The following CUL5 variants were observed in gnomAD, a reference collection of about 807,000 sequenced individuals.
CUL5 encodes cullin-5.
In CUL5, 26 loss-of-function variants were observed where a neutral mutation model predicts 108.8. The observed-to-expected ratio is 0.24, with a 90% confidence interval of 0.18 to 0.33. The LOEUF (loss-of-function observed/expected upper bound fraction) is 0.33. Ranked by LOEUF, CUL5 falls within the 10% of genes least tolerant of loss-of-function variation. The pLI is 1.00. For synonymous variants in CUL5, 334 were observed against 298.0 expected (o/e 1.12, Z -1.25); for missense variants, 524 against 909.2 (o/e 0.58, Z 5.45).
chr11:108,027,949 C>G (rs1591280900), intron 1 of CUL5, among the ~76,000 whole-genome samples: 1 of 152,246 alleles, frequency 6.6e-6, no homozygotes, highest in East Asian at 1.9e-4. Context: ...TCTGGTTGCT[C>G]TCTTTGTCTC....
intron 2 of CUL5, among the ~76,000 whole-genome samples, chr11:108,042,959 C>T (rs756812464): frequency 2.0e-5 from 3 of 152,094 alleles, no homozygotes; most frequent in Non-Finnish European, 4.4e-5. Flanking sequence ...GATGGAGTTT[C>T]GCTATGTTGG....
At position 108,089,620 on chromosome 11, in the gene CUL5, A is replaced by G; in HGVS notation, c.1440A>G (p.Leu480=). 4 of 1,501,216 alleles carry G rather than the reference A, an allele frequency of 2.7e-6. No individual in the cohort carries two copies. The highest frequency in any genetic ancestry group is 3.5e-6 in the Non-Finnish European group (4 of 1,130,356). The allele number at this position is 1,501,216 out of a possible 1,614,324, so 93.0% of individuals were successfully genotyped here. The change falls in exon 13 of 19, where the codon CTA becomes CTG. Residue 480 remains leucine (L), a synonymous_variant. Transcript: ENST00000393094. ...SEIEENMVEW[L]REVGMPADYV... is the part of the protein sequence containing the mutation. ...TTGAAGAAAACATGGTAGAGTGGCT[A>G]AGAGTAAGTAAATTTTTTTAAATAT...
chr11:108,103,737 G>C (rs1864725233), intron 18 of CUL5, among the ~76,000 whole-genome samples: 1 of 152,140 alleles, frequency 6.6e-6, no homozygotes, highest in Admixed American at 6.5e-5. Flanking sequence ...TAAAACATTA[G>C]GTGTAGTTTT....
intron 11 of CUL5, among the ~76,000 whole-genome samples, chr11:108,082,439 C>CCTGGCTATATT (rs918687467): frequency 2.6e-5 from 4 of 152,050 alleles, no homozygotes; most frequent in Admixed American, 2.0e-4. Context: ...GGCCACCACA[C>CCTGGCTATATT]CTGGCTATAT....
rs546207699 is a variant in CUL5, at chr11:108,016,410, A to C, written c.24+7038A>C. ...ATCCTCCCACAGGTGCAACACCAGCATTCCCAGCTCATTTAAAAAAATGTT... is the reference window on the plus strand; with the variant it reads ...ATCCTCCCACAGGTGCAACACCAGCCTTCCCAGCTCATTTAAAAAAATGTT... On this transcript the variant is annotated intron_variant, in intron 1 of 18. Coordinates refer to ENST00000393094, the MANE Select transcript of CUL5 (RefSeq NM_003478.6). Among the ~76,000 whole-genome samples, 26 of 152,172 alleles carry C rather than the reference A, an allele frequency of 1.7e-4. No homozygotes were observed. In the South Asian group the frequency reaches 5.2e-3, roughly 30 times the overall value.
intron 1 of CUL5, among the ~76,000 whole-genome samples, chr11:108,016,976 TAGAAAACA>T (rs1862208549): frequency 6.6e-6 from 1 of 152,096 alleles, no homozygotes; most frequent in South Asian, 2.1e-4. Context: ...AAATAAAAAT[TAGAAAACA>T]TTGGTCAAAT....
At chr11:108,054,306 C>G (rs1467447076) in intron 5 of CUL5, among the ~76,000 whole-genome samples, 2 of 152,178 alleles carry the variant, frequency 1.3e-5, no homozygotes, top group African/African-American at 4.8e-5. Context: ...ATTTACTTAC[C>G]TTACTAATCT....
intron 2 of CUL5, among the ~76,000 whole-genome samples, chr11:108,036,543 A>G (rs779977135): frequency 7.2e-5 from 11 of 152,128 alleles, no homozygotes; most frequent in Non-Finnish European, 1.6e-4. Flanking sequence ...CAGTGGCACA[A>G]TCTCAGCTCA....
Position 108,073,375 on chromosome 11 carries a change from A to C in CUL5, c.1006-15A>C. The C allele has an allele frequency of 8.1e-7, 1 of 1,240,808 alleles. No individual in the cohort carries two copies. Among genetic ancestry groups the C allele is most frequent in the Non-Finnish European group, 1.2e-6 (1 of 865,452 alleles). The allele number at this position is 1,240,808 out of a possible 1,614,324, so 76.9% of individuals were successfully genotyped here. On this transcript the variant is annotated splice_polypyrimidine_tract_variant and intron_variant, in intron 9 of 18. Transcript: ENST00000393094. ...TTTTCTTTTAAAAACTTAATGTAAA[A>C]CCTTTTGTTTCTAGGACTCTGAGAA...
rs185523174 is a variant in CUL5 at position 108,081,850 on chromosome 11, G to A, written c.1178+3610G>A. 3.6e-3 allele frequency among the ~76,000 whole-genome samples: 554 copies of A among 152,342 alleles called. 4 individuals are homozygous for A. Among genetic ancestry groups the A allele is most frequent in the Middle Eastern group, 0.014 (4 of 294 alleles). On this transcript the variant is annotated intron_variant, in intron 11 of 18. Transcript: ENST00000393094. Reference sequence around the variant, plus strand: ...TTTGTCCTTATGCTGGTGCCACATCGTTGTGATTTACTGTAGCCTTGCGAT... The same window carrying A: ...TTTGTCCTTATGCTGGTGCCACATCATTGTGATTTACTGTAGCCTTGCGAT...
rs2135088407 is a variant in CUL5, at chr11:108,033,979, T to G, written c.134+68T>G. 3 of 913,776 alleles carry G rather than the reference T, an allele frequency of 3.3e-6. No individual in the cohort carries two copies. The East Asian group carries it at 7.3e-5, about 22-fold the overall frequency. 56.6% of individuals were successfully genotyped at this position (913,776 alleles called of 1,614,324 possible). The stretch of plus-strand genomic sequence containing the variant: ...TTAGTGATGTCTTTCCATACCCAAA[T>G]GGAATGTGTAACTCTAAGTTTATCT... On this transcript the variant is annotated intron_variant, in intron 2 of 18. Transcript: ENST00000393094.
intron 4 of CUL5, 130 bp downstream of exon 4, chr11:108,050,196 C>A: frequency 1.5e-6 from 1 of 646,256 alleles, no homozygotes; most frequent in Non-Finnish European, 2.6e-6. Context: ...CAGCTCTTAA[C>A]TAGATTTTAT....
intron 2 of CUL5, among the ~76,000 whole-genome samples, chr11:108,039,521 A>AT (rs1458479587): frequency 2.0e-5 from 3 of 152,206 alleles, no homozygotes; most frequent in Non-Finnish European, 2.9e-5. Context: ...TAAGTGTACA[A>AT]TTCAGTGGCA....
chr11:108,065,805 G>T (rs1863663024), intron 7 of CUL5, among the ~76,000 whole-genome samples: 1 of 152,116 alleles, frequency 6.6e-6, no homozygotes, highest in African/African-American at 2.4e-5. Context: ...GTGTTTTTTT[G>T]TGTGTAGATA....
At position 108,104,186 on chromosome 11, in the gene CUL5, T is replaced by G. The variant is rs768719121; in HGVS notation, c.2149-4T>G. The G allele has an allele frequency of 6.5e-7, 1 of 1,532,850 alleles. No homozygotes were observed. The highest frequency in any genetic ancestry group is 2.2e-5 in the Admixed American group (1 of 45,630). 95.0% of individuals were successfully genotyped at this position (1,532,850 alleles called of 1,614,324 possible). A position where few individuals can be genotyped will look rare whatever the true frequency, so the allele number is the denominator to read the frequency against. ...TGCGCTTTTATTTTTATTTTTTCTT[T>G]TAGGAAGCTATCATACAAATAATGA... On this transcript the variant is annotated splice_region_variant and splice_polypyrimidine_tract_variant and intron_variant, in intron 18 of 18. Coordinates refer to ENST00000393094, the MANE Select transcript of CUL5 (RefSeq NM_003478.6).
At chr11:108,053,946 A>G (rs1863307845) in intron 5 of CUL5, among the ~76,000 whole-genome samples, 1 of 152,052 alleles carries the variant, frequency 6.6e-6, no homozygotes, top group Non-Finnish European at 1.5e-5. Flanking sequence ...CCCAAGTTCA[A>G]GCAATTTTCA....
Position 108,088,663 on chromosome 11 carries a change from C to T in CUL5, c.1311+4C>T, listed in dbSNP as rs1193742844. ...TGAAGCAAAGCTTAAAGAAGTGGTA[C>T]ATGAATTTTTTGTATTTCAACTTTT... On this transcript the variant is annotated splice_donor_region_variant and intron_variant, in intron 12 of 18. Transcript: ENST00000393094. 6.4e-7 allele frequency: 1 copy of T among 1,570,494 alleles called. No homozygotes were observed.
At chr11:108,053,205 A>G (rs1298003537) in intron 5 of CUL5, among the ~76,000 whole-genome samples, 1 of 152,176 alleles carries the variant, frequency 6.6e-6, no homozygotes, top group Non-Finnish European at 1.5e-5. Context: ...GACTTAGAGT[A>G]TGCTTCTTCC....
At chr11:108,098,574 T>G (rs1591336318) in intron 18 of CUL5, 45 bp downstream of exon 18, 1 of 9,866 alleles carries the variant, frequency 1.0e-4, no homozygotes, top group Non-Finnish European at 1.5e-4. Flanking sequence ...AAAACTTTAG[T>G]TTTTTTTTTT....
Sources: gnomAD v4.1 joint callset for allele counts (sites outside exome capture counted in the v4.1 genomes callset) on GRCh38, gnomAD v4.1.1 for gene constraint, MANE v1.5 for transcripts, NCBI Gene and HGNC (gene_info 2026-07-23, HGNC 2026-07-21) for gene names.